Variants in DYNLL1 observed in about 807,000 individuals in gnomAD.
The protein encoded by DYNLL1 is dynein light chain LC8-type 1, also known as dynein light chain 1, cytoplasmic.
Under a neutral mutation model 10.1 loss-of-function variants are expected in DYNLL1, and 3 were observed. The observed-to-expected ratio is 0.30, with a 90% confidence interval of 0.14 to 0.77. The LOEUF (loss-of-function observed/expected upper bound fraction) is 0.77. Ranked by LOEUF, DYNLL1 falls within the 30% of genes least tolerant of loss-of-function variation. The pLI, the probability that DYNLL1 is intolerant of heterozygous loss-of-function variation, is 0.66. For missense variants in DYNLL1, 47 were observed against 111.7 expected (o/e 0.42, Z 2.61); for synonymous variants, 46 against 41.2 (o/e 1.12, Z -0.45).
chr12:120,487,014 G>A (rs1207086480), intron 1 of DYNLL1, among the ~76,000 whole-genome samples: 1 of 145,462 alleles, frequency 6.9e-6, no homozygotes, highest in Admixed American at 7.2e-5. Flanking sequence ...TCGCTCTGTC[G>A]CCCAGGCTGG....
chr12:120,496,041 G>A, upstream of DYNLL1: 1 of 354,356 alleles, frequency 2.8e-6, no homozygotes, highest in Non-Finnish European at 5.3e-6. Flanking sequence ...GGGTCGCGCG[G>A]CGAGGGGCGG....
intron 1 of DYNLL1, among the ~76,000 whole-genome samples, chr12:120,486,560 T>C (rs1878998727): frequency 6.6e-6 from 1 of 151,478 alleles, no homozygotes. Flanking sequence ...CCTTGAACTC[T>C]TGGGCTCAAG....
At chr12:120,497,244 A>C (rs1442122327) in intron 2 of DYNLL1, 3 of 153,334 alleles carry the variant, frequency 2.0e-5, no homozygotes, top group Non-Finnish European at 4.4e-5. Flanking sequence ...AGAGTAGCTA[A>C]ATCTTGTGTG....
chr12:120,471,705 G>C (rs554120216), intron 1 of DYNLL1, among the ~76,000 whole-genome samples: 2 of 152,130 alleles, frequency 1.3e-5, no homozygotes, highest in Admixed American at 1.3e-4. Flanking sequence ...CCGCCTCCCA[G>C]GTTCATGCCA....
chr12:120,492,561 C>A (rs1879158238), upstream of DYNLL1, among the ~76,000 whole-genome samples: 2 of 151,544 alleles, frequency 1.3e-5, no homozygotes, highest in Non-Finnish European at 2.9e-5. The surrounding 1 kb of genome is among the most constrained non-coding windows in gnomAD (Gnocchi z 4.1). Context: ...AGCAAGAGTC[C>A]GTCTCAAAAA....
intron 2 of DYNLL1, 188 bp downstream of exon 2, chr12:120,496,741 G>GTT (rs35017041): frequency 4.8e-3 from 2,800 of 577,452 alleles, no homozygotes; most frequent in South Asian, 7.1e-3. Flanking sequence ...GGCGTCCGAA[G>GTT]TTTTTTTTTT....
At chr12:120,497,950 A>G in intron 2 of DYNLL1, 123 bp from the exon 3 acceptor site, 1 of 951,810 alleles carries the variant, frequency 1.1e-6, no homozygotes, top group Non-Finnish European at 1.5e-6. Context: ...ACATTCTTTC[A>G]TTCTAAGAAT....
chr12:120,491,328 G>C (rs1013847099), upstream of DYNLL1: 2 of 152,774 alleles, frequency 1.3e-5, no homozygotes, highest in Non-Finnish European at 2.9e-5. Flanking sequence ...TGGCTCCAAA[G>C]CTCAGCTCCA....
chr12:120,473,334 G>A (rs998326979), intron 1 of DYNLL1, among the ~76,000 whole-genome samples: 1 of 151,976 alleles, frequency 6.6e-6, no homozygotes, highest in African/African-American at 2.4e-5. Flanking sequence ...TGAGGCAGGA[G>A]GATGGCTTGA....
rs768206330 is a variant in DYNLL1, at chr12:120,498,111, C to T, written c.171C>T (p.Ile57=). Residue 57 remains isoleucine (I), a synonymous_variant, in exon 3 of 3, where the codon ATC becomes ATT. Transcript: ENST00000242577. ...AGTACAATCCCACCTGGCATTGCATCGTGGGGAGGAACTTCGGTAGTTATG... is the reference window on the plus strand; with the variant it reads ...AGTACAATCCCACCTGGCATTGCATTGTGGGGAGGAACTTCGGTAGTTATG... ...DKKYNPTWHC[I]VGRNFGSYVT... is the part of the protein sequence containing the mutation. 6 of 1,614,106 alleles carry T rather than the reference C, an allele frequency of 3.7e-6. No individual in the cohort carries two copies. Among genetic ancestry groups the T allele is most frequent in the Admixed American group, 1.7e-5 (1 of 60,012 alleles).
chr12:120,494,297 T>C (rs549611490), upstream of DYNLL1, among the ~76,000 whole-genome samples: 26 of 151,844 alleles, frequency 1.7e-4, no homozygotes, highest in East Asian at 5.0e-3. Context: ...TTCCTTTTTT[T>C]TTTTTTTGAG....
chr12:120,472,995 G>A (rs1448071871), intron 1 of DYNLL1, among the ~76,000 whole-genome samples: 1 of 152,112 alleles, frequency 6.6e-6, no homozygotes, highest in Non-Finnish European at 1.5e-5. Context: ...TAAACTTTTT[G>A]TTCATCTAGA....
At chr12:120,478,932 G>A (rs1878815833) in intron 1 of DYNLL1, among the ~76,000 whole-genome samples, 1 of 148,950 alleles carries the variant, frequency 6.7e-6, no homozygotes, top group African/African-American at 2.5e-5. Context: ...TGATCCACCT[G>A]CCTCGGCCTC....
chr12:120,496,889 G>A (rs1426514223), intron 2 of DYNLL1: 4 of 481,302 alleles, frequency 8.3e-6, no homozygotes, highest in Admixed American at 7.8e-5. Context: ...GGGGAGCTGC[G>A]TGGGTGTTTC....
At chr12:120,480,829 G>C (rs1878864250) in intron 1 of DYNLL1, among the ~76,000 whole-genome samples, 1 of 147,024 alleles carries the variant, frequency 6.8e-6, no homozygotes, top group Non-Finnish European at 1.5e-5. Context: ...GCTCCATCTT[G>C]GCTCACTGCA....
rs939630095 is a variant in DYNLL1, at chr12:120,483,219, C to T, written c.-7+13115C>T. 4.0e-5 allele frequency among the ~76,000 whole-genome samples: 6 copies of T among 150,644 alleles called. No individual in the cohort carries two copies. In the East Asian group the frequency reaches 1.2e-3, roughly 30 times the overall value. On this transcript the variant is annotated intron_variant, in intron 1 of 2. Coordinates refer to the DYNLL1 transcript ENST00000392509. ...TGGGTGTGGTGGTGCACACCTGTAA[C>T]CCCAGCTACAAGGGAGGCTGAGGCA... is the stretch of plus-strand genomic sequence containing the variant.
At chr12:120,481,204 C>T (rs1197982955) in intron 1 of DYNLL1, among the ~76,000 whole-genome samples, 1 of 152,170 alleles carries the variant, frequency 6.6e-6, no homozygotes, top group African/African-American at 2.4e-5. Context: ...ATGTGTGGTG[C>T]GGTCTTTATC....
intron 1 of DYNLL1, among the ~76,000 whole-genome samples, chr12:120,475,051 C>G (rs1206417467): frequency 1.3e-5 from 2 of 151,948 alleles, no homozygotes; most frequent in Non-Finnish European, 2.9e-5. Flanking sequence ...TTTAGGAAAG[C>G]AAGTGTCAAG....
chr12:120,475,031 G>A (rs1191374632), intron 1 of DYNLL1, among the ~76,000 whole-genome samples: 1 of 152,318 alleles, frequency 6.6e-6, no homozygotes, highest in South Asian at 2.1e-4. Flanking sequence ...GTTTGGAATT[G>A]GGGGTGAGCT....
Sources: allele counts gnomAD v4.1 joint callset (sites outside exome capture counted in the v4.1 genomes callset), GRCh38; gene constraint gnomAD v4.1.1; non-coding constraint Gnocchi (gnomAD v3.1); transcripts MANE v1.5; gene names NCBI Gene and HGNC (gene_info 2026-07-23, HGNC 2026-07-21).